Variants in XPR1 observed in about 807,000 individuals in gnomAD.
XPR1 encodes the protein solute carrier family 53 member 1.
XPR1 carries 28 observed loss-of-function variants against 87.5 expected under a neutral mutation model. The ratio of observed to expected loss-of-function variants is 0.32; its 90% CI spans 0.24 to 0.44. The LOEUF is 0.44. Ranked by LOEUF, XPR1 falls within the 20% of genes least tolerant of loss-of-function variation. XPR1 has a pLI of 1.00. For synonymous variants in XPR1, 300 were observed against 306.1 expected (o/e 0.98, Z 0.21); for missense variants, 559 against 862.3 (o/e 0.65, Z 4.41).
At chr1:180,771,422 T>A (rs1648507472) in intron 2 of XPR1, among the ~76,000 whole-genome samples, 1 of 152,210 alleles carries the variant, frequency 6.6e-6, no homozygotes, top group Admixed American at 6.5e-5. Flanking sequence ...TTCCTTAATG[T>A]TAAAACGTAC....
intron 1 of XPR1, among the ~76,000 whole-genome samples, chr1:180,656,475 C>CATTATATATAATATATAT (rs1655499337): frequency 2.1e-4 from 1 of 4,850 alleles, no homozygotes; most frequent in African/African-American, 3.8e-4. Flanking sequence ...AATATTTATA[C>CATTATATATAATATATAT]ATTATATATA....
intron 2 of XPR1, among the ~76,000 whole-genome samples, chr1:180,779,378 G>A (rs2331887): frequency 0.38 from 58,367 of 151,968 alleles, 11,450 homozygotes; most frequent in African/African-American, 0.42. Flanking sequence ...TAGAGAGCCT[G>A]GCATCTAATA....
In XPR1 at chr1:180,836,575, A is replaced by G; in HGVS notation, c.1360A>G (p.Ile454Val). Residue 454 changes from isoleucine (I) to valine (V), a missense_variant, in exon 11 of 15, where the codon ATT becomes GTT. Physicochemically the swap from Ile to Val is conservative, Grantham distance 29 (BLOSUM62 3). Around this residue, in one of 7 missense-constraint regions of XPR1, gnomAD observed 264 missense variants for 377.2 expected, o/e 0.70. Coordinates refer to ENST00000367590, the MANE Select transcript of XPR1 (RefSeq NM_004736.4). ...TYGVRAIVQC[I>V]PAWLRFIQCL... ...TGGTGTGCGGGCCATTGTTCAGTGCATTCCTGCTTGGCTTCGCTTCATCCA... is the reference window on the plus strand; with the variant it reads ...TGGTGTGCGGGCCATTGTTCAGTGCGTTCCTGCTTGGCTTCGCTTCATCCA... 1.9e-6 allele frequency: 3 copies of G among 1,614,168 alleles called. No individual in the cohort carries two copies. The highest frequency in any genetic ancestry group is 2.5e-6 in the Non-Finnish European group (3 of 1,180,030).
chr1:180,734,232 G>A (rs1170618123), intron 2 of XPR1, among the ~76,000 whole-genome samples: 1 of 152,184 alleles, frequency 6.6e-6, no homozygotes, highest in East Asian at 1.9e-4. Context: ...TGCACAGAAA[G>A]CCAACCACTG....
intron 2 of XPR1, among the ~76,000 whole-genome samples, chr1:180,691,668 T>C (rs1656997084): frequency 6.6e-6 from 1 of 152,214 alleles, no homozygotes; most frequent in African/African-American, 2.4e-5. Flanking sequence ...TTCTCTCTGC[T>C]TATTCTGCTT....
intron 3 of XPR1, among the ~76,000 whole-genome samples, chr1:180,794,003 A>G (rs1649477437): frequency 6.6e-6 from 1 of 152,164 alleles, no homozygotes; most frequent in South Asian, 2.1e-4. Flanking sequence ...CATGTAAATA[A>G]TGGGTTTTTT....
chr1:180,666,935 T>A (rs1039606499), intron 1 of XPR1, among the ~76,000 whole-genome samples: 1 of 151,768 alleles, frequency 6.6e-6, no homozygotes, highest in Non-Finnish European at 1.5e-5. Context: ...TTTTTTTCCA[T>A]GACAAGGTCT....
intron 1 of XPR1, among the ~76,000 whole-genome samples, chr1:180,668,650 T>C (rs1415191443): frequency 1.3e-5 from 2 of 152,256 alleles, no homozygotes; most frequent in East Asian, 3.8e-4. Flanking sequence ...CCTTGTGATT[T>C]CTTCTTTGAT....
intron 2 of XPR1, among the ~76,000 whole-genome samples, chr1:180,730,334 T>G (rs2102009697): frequency 6.6e-6 from 1 of 152,330 alleles, no homozygotes; most frequent in South Asian, 2.1e-4. Context: ...TGCCTCTAAG[T>G]TTCAAGTTCT....
At chr1:180,734,749 G>A (rs1658671300) in intron 2 of XPR1, among the ~76,000 whole-genome samples, 1 of 152,176 alleles carries the variant, frequency 6.6e-6, no homozygotes, top group Non-Finnish European at 1.5e-5. Flanking sequence ...AAAGACTTTA[G>A]TAGGAAGAAC....
At chr1:180,847,366 A>G (rs1039690623) in intron 11 of XPR1, among the ~76,000 whole-genome samples, 1 of 152,180 alleles carries the variant, frequency 6.6e-6, no homozygotes, top group Non-Finnish European at 1.5e-5. Flanking sequence ...AATTTAATCA[A>G]CCCTTCTTCC....
At chr1:180,807,303 A>G (rs1409614107) in intron 6 of XPR1, among the ~76,000 whole-genome samples, 1 of 152,228 alleles carries the variant, frequency 6.6e-6, no homozygotes, top group Non-Finnish European at 1.5e-5. Flanking sequence ...TTGATGATCT[A>G]TGTAGAAAAT....
Position 180,834,931 on chromosome 1 carries a change from G to T in XPR1, c.1192G>T (p.Asp398Tyr). Residue 398 changes from aspartate to tyrosine, a missense_variant, in exon 10 of 15, where the codon GAT becomes TAT. By Grantham distance (160) the Asp-to-Tyr change is radical. Around this residue, in one of 7 missense-constraint regions of XPR1, gnomAD observed 264 missense variants for 377.2 expected, o/e 0.70. Coordinates refer to ENST00000367590, the MANE Select transcript of XPR1 (RefSeq NM_004736.4). ...AGGCTTTGCTGATTTCTGGCTGGCG[G>T]ATCAGCTGAACAGCCTGTCAGTGAT... The part of the protein sequence containing the change: ...KVGFADFWLA[D>Y]QLNSLSVILM... 6.2e-7 allele frequency: 1 copy of T among 1,613,932 alleles called. No homozygotes were observed. The highest frequency in any genetic ancestry group is 8.5e-7 in the Non-Finnish European group (1 of 1,179,938).
chr1:180,659,345 TTCCTTCCG>T (rs776415850), intron 1 of XPR1, among the ~76,000 whole-genome samples: 25,840 of 122,338 alleles, frequency 0.21, 3,696 homozygotes, highest in Non-Finnish European at 0.22. Context: ...CCTTCCGTCC[TTCCTTCCG>T]TCCTTCCGTC....
chr1:180,751,848 T>C (rs1020127220), intron 2 of XPR1, among the ~76,000 whole-genome samples: 17 of 152,110 alleles, frequency 1.1e-4, no homozygotes, highest in African/African-American at 4.1e-4. Context: ...TTGTCTATAA[T>C]TTTAAGTATG....
chr1:180,834,018 G>A (rs528711305), intron 9 of XPR1, among the ~76,000 whole-genome samples: 1 of 151,878 alleles, frequency 6.6e-6, no homozygotes, highest in Non-Finnish European at 1.5e-5. Flanking sequence ...ATATCAAGGA[G>A]TAGGAACGTT....
At chr1:180,840,611 C>A in intron 11 of XPR1, among the ~76,000 whole-genome samples, 1 of 126,732 alleles carries the variant, frequency 7.9e-6, no homozygotes, top group African/African-American at 2.9e-5. Flanking sequence ...AATTTTTTGC[C>A]CACAGTAAAA....
chr1:180,715,827 C>T (rs1433404778), intron 2 of XPR1, among the ~76,000 whole-genome samples: 3 of 152,030 alleles, frequency 2.0e-5, no homozygotes, highest in Admixed American at 2.0e-4. Context: ...TGTGCGCCCC[C>T]ACACCCAGCT....
At chr1:180,677,146 C>T (rs73051221) in intron 1 of XPR1, among the ~76,000 whole-genome samples, 6,554 of 152,256 alleles carry the variant, frequency 0.043, 506 homozygotes, top group African/African-American at 0.15. Flanking sequence ...TAAGACCGCC[C>T]CTGCTTAAGA....
Sources: allele counts gnomAD v4.1 joint callset (sites outside exome capture counted in the v4.1 genomes callset), GRCh38; gene constraint gnomAD v4.1.1; regional missense constraint gnomAD v4.1.1; transcripts MANE v1.5; gene names NCBI Gene and HGNC (gene_info 2026-07-23, HGNC 2026-07-21).